The following LEPROTL1 variants were observed in gnomAD, a reference collection of about 807,000 sequenced individuals.
LEPROTL1 encodes the protein leptin receptor overlapping transcript-like 1.
Under a neutral mutation model 15.4 loss-of-function variants are expected in LEPROTL1, and 6 were observed. The ratio of observed to expected loss-of-function variants is 0.39; its 90% CI spans 0.21 to 0.77. The LOEUF (loss-of-function observed/expected upper bound fraction) is 0.77. Ranked by LOEUF, LEPROTL1 falls within the 30% of genes least tolerant of loss-of-function variation. The pLI is 0.41. For missense variants in LEPROTL1, 128 were observed against 158.1 expected (o/e 0.81, Z 1.02); for synonymous variants, 56 against 52.6 (o/e 1.06, Z -0.28).
chr8:30,134,053 C>A (rs190299582), intron 4 of LEPROTL1, among the ~76,000 whole-genome samples: 2 of 152,300 alleles, frequency 1.3e-5, no homozygotes, highest in East Asian at 3.9e-4. Flanking sequence ...ACTGACATCA[C>A]CCTTGTCATT....
intron 3 of LEPROTL1, among the ~76,000 whole-genome samples, chr8:30,131,055 A>G (rs1319304937): frequency 1.3e-5 from 2 of 151,688 alleles, no homozygotes; most frequent in Non-Finnish European, 2.9e-5. Flanking sequence ...CGGCCTCCCA[A>G]AGTGCTGGGA....
chr8:30,137,599 G>A, exon 5 of LEPROTL1: 1 of 930,822 alleles, frequency 1.1e-6, no homozygotes, highest in Non-Finnish European at 1.6e-6. Flanking sequence ...TAATGAAACT[G>A]CCATTGCAAA....
chr8:30,127,901 CA>C (rs1802931967), intron 3 of LEPROTL1, among the ~76,000 whole-genome samples: 2 of 151,918 alleles, frequency 1.3e-5, no homozygotes, highest in South Asian at 4.1e-4. Flanking sequence ...GGTGGGGTGT[CA>C]ATAACCAGGT....
At position 30,106,879 on chromosome 8, in the gene LEPROTL1, A is replaced by G; in HGVS notation, c.*1017A>G. 1.0e-6 allele frequency: 1 copy of G among 982,730 alleles called. No individual in the cohort carries two copies. The highest frequency in any genetic ancestry group is 1.7e-5 in the African/African-American group (1 of 57,286). 60.9% of individuals were successfully genotyped at this position (982,730 alleles called of 1,614,324 possible). On this transcript the variant is annotated 3_prime_UTR_variant, in exon 4 of 4. Transcript: ENST00000321250. ...TATATTACATAAAATAACTTTTCAA[A>G]TATAGTTTAATAACACTTAGAAGTG...
At position 30,106,392 on chromosome 8, in the gene LEPROTL1, A is replaced by C. The variant is rs1457650207; in HGVS notation, c.*530A>C. ...GGCATACGTTATAGACTGTATACTC[A>C]GTGCAAATATAGCTGCATTTATACC... On this transcript the variant is annotated 3_prime_UTR_variant, in exon 4 of 4. Transcript: ENST00000321250. 1 of 985,766 alleles carries C rather than the reference A, an allele frequency of 1.0e-6. No individual in the cohort carries two copies. The highest frequency in any genetic ancestry group is 6.1e-5 in the Admixed American group (1 of 16,268). The allele number at this position is 985,766 out of a possible 1,614,324, so 61.1% of individuals were successfully genotyped here.
intron 3 of LEPROTL1, among the ~76,000 whole-genome samples, chr8:30,123,172 A>G (rs1030384788): frequency 3.9e-5 from 6 of 152,174 alleles, no homozygotes; most frequent in Non-Finnish European, 8.8e-5. Flanking sequence ...CATCCATTCC[A>G]AGAGTGTGAA....
At chr8:30,131,636 G>A (rs868763050) in intron 3 of LEPROTL1, among the ~76,000 whole-genome samples, 3 of 152,054 alleles carry the variant, frequency 2.0e-5, no homozygotes, top group East Asian at 1.9e-4. Flanking sequence ...TATATAGAGC[G>A]TTTGCCATCT....
rs866870791 is a variant in LEPROTL1 at position 30,095,500 on chromosome 8, C to G, written c.-13C>G. 28 of 1,460,932 alleles carry G rather than the reference C, an allele frequency of 1.9e-5. No individual in the cohort carries two copies. The highest frequency in any genetic ancestry group is 2.4e-5 in the Non-Finnish European group (27 of 1,110,518). 90.5% of individuals were successfully genotyped at this position (1,460,932 alleles called of 1,614,324 possible). On this transcript the variant is annotated 5_prime_UTR_variant, in exon 1 of 4. Coordinates refer to ENST00000321250, the MANE Select transcript of LEPROTL1 (RefSeq NM_015344.3). The stretch of plus-strand genomic sequence containing the variant: ...CCGCCTCGGGTCGTGGAGCCAGGAG[C>G]GACGTCACCGCCATGGCAGGCATCA...
chr8:30,134,551 A>G (rs1046124281), intron 4 of LEPROTL1, among the ~76,000 whole-genome samples: 2 of 151,050 alleles, frequency 1.3e-5, no homozygotes, highest in African/African-American at 4.9e-5. Flanking sequence ...TTCTTTTTTT[A>G]TTTTTTTGGA....
chr8:30,132,273 C>T (rs149019082), intron 3 of LEPROTL1: 91 of 1,551,662 alleles, frequency 5.9e-5, no homozygotes, highest in East Asian at 7.3e-5. Flanking sequence ...TCTGCAACAA[C>T]GGCCAAGCCC....
At chr8:30,129,112 G>T (rs1802951728) in intron 3 of LEPROTL1, among the ~76,000 whole-genome samples, 2 of 152,050 alleles carry the variant, frequency 1.3e-5, no homozygotes, top group South Asian at 4.2e-4. Context: ...TGTTGCCCAG[G>T]CTGGTCTCAA....
At chr8:30,127,705 C>T (rs1023799284) in intron 3 of LEPROTL1, among the ~76,000 whole-genome samples, 5 of 130,722 alleles carry the variant, frequency 3.8e-5, no homozygotes, top group South Asian at 2.6e-4. Flanking sequence ...CACACACACA[C>T]GTATATGTAT....
downstream of LEPROTL1, among the ~76,000 whole-genome samples, chr8:30,110,108 T>A (rs867390176): frequency 1.8e-4 from 28 of 152,202 alleles, no homozygotes; most frequent in African/African-American, 6.5e-4. Context: ...ATTTACAGTT[T>A]ATTTTTACAA....
chr8:30,119,304 G>C (rs932860201), intron 3 of LEPROTL1, among the ~76,000 whole-genome samples: 2 of 152,110 alleles, frequency 1.3e-5, no homozygotes, highest in Non-Finnish European at 2.9e-5. Context: ...AGTTGTTCAG[G>C]GTACAGGTCA....
chr8:30,137,261 C>A, intron 4 of LEPROTL1: 1 of 1,547,318 alleles, frequency 6.5e-7, no homozygotes, highest in South Asian at 1.2e-5. Context: ...CTCTTGATTT[C>A]TGTTTTCTAG....
At position 30,103,953 on chromosome 8, in the gene LEPROTL1, A is replaced by G. The variant is rs115936901; in HGVS notation, c.93-347A>G. ...CCCTGTACCCTCCACACAGCCTGCC[A>G]GAGTCATAAGATCTTACATAACCAT... On this transcript the variant is annotated intron_variant, in intron 2 of 3. Coordinates refer to ENST00000321250, the MANE Select transcript of LEPROTL1 (RefSeq NM_015344.3). 7.3e-3 allele frequency among the ~76,000 whole-genome samples: 1,110 copies of G among 152,304 alleles called. 24 individuals are homozygous for G. The highest frequency in any genetic ancestry group is 0.026 in the African/African-American group (1,066 of 41,558).
chr8:30,129,174 T>C (rs1454731201), intron 3 of LEPROTL1, among the ~76,000 whole-genome samples: 4 of 152,108 alleles, frequency 2.6e-5, no homozygotes, highest in African/African-American at 9.7e-5. Context: ...GTGCTGAGAT[T>C]ACAGGCGTGA....
At chr8:30,133,422 AT>A (rs1427943867) in intron 4 of LEPROTL1, among the ~76,000 whole-genome samples, 3 of 152,262 alleles carry the variant, frequency 2.0e-5, no homozygotes, top group African/African-American at 7.2e-5. Context: ...TTGCATATAT[AT>A]TTTTTGTTTG....
chr8:30,131,079 C>A (rs1803000266), intron 3 of LEPROTL1, among the ~76,000 whole-genome samples: 2 of 151,748 alleles, frequency 1.3e-5, no homozygotes, highest in South Asian at 4.2e-4. Flanking sequence ...CAGGTGTGAG[C>A]CACAACGCCC....
Sources: gnomAD v4.1 joint callset for allele counts (sites outside exome capture counted in the v4.1 genomes callset) on GRCh38, gnomAD v4.1.1 for gene constraint, MANE v1.5 for transcripts, NCBI Gene and HGNC (gene_info 2026-07-23, HGNC 2026-07-21) for gene names.